Variants in GRM3 observed in about 807,000 individuals in gnomAD.
GRM3 encodes the protein metabotropic glutamate receptor 3.
In GRM3, 26 loss-of-function variants were observed where a neutral mutation model predicts 70.5. The ratio of observed to expected loss-of-function variants is 0.37; its 90% CI spans 0.27 to 0.51. GRM3 has a LOEUF of 0.51. Ranked by LOEUF, GRM3 falls within the 20% of genes least tolerant of loss-of-function variation. The pLI is 0.93. For missense variants in GRM3, 859 were observed against 1,123.8 expected (o/e 0.76, Z 3.37); for synonymous variants, 443 against 434.9 (o/e 1.02, Z -0.23).
At chr7:86,656,342 T>A (rs778577749) in intron 1 of GRM3, among the ~76,000 whole-genome samples, 13 of 144,340 alleles carry the variant, frequency 9.0e-5, no homozygotes, top group Admixed American at 5.3e-4. Context: ...CTCAGCTCAG[T>A]GCTGCAACCT....
At chr7:86,651,742 C>T (rs1422100165) in intron 1 of GRM3, among the ~76,000 whole-genome samples, 1 of 152,118 alleles carries the variant, frequency 6.6e-6, no homozygotes, top group African/African-American at 2.4e-5. Context: ...GTAGACAAGA[C>T]ATGAACTTAG....
intron 3 of GRM3, among the ~76,000 whole-genome samples, chr7:86,828,170 T>C (rs1798281329): frequency 7.7e-6 from 1 of 129,430 alleles, no homozygotes; most frequent in African/African-American, 2.8e-5. Flanking sequence ...AGGTACTTTA[T>C]AAAAGGGTAT....
At chr7:86,682,373 C>T (rs1794461253) in intron 1 of GRM3, among the ~76,000 whole-genome samples, 1 of 152,064 alleles carries the variant, frequency 6.6e-6, no homozygotes, top group African/African-American at 2.4e-5. Context: ...CACTGCAATA[C>T]TAAATAATCC....
chr7:86,854,484 T>C (rs922042440), intron 5 of GRM3, among the ~76,000 whole-genome samples: 1 of 152,134 alleles, frequency 6.6e-6, no homozygotes, highest in Admixed American at 6.5e-5. Flanking sequence ...TGCAAAAGAG[T>C]ACAATTAAAG....
intron 3 of GRM3, among the ~76,000 whole-genome samples, chr7:86,810,233 A>G (rs1797882504): frequency 6.6e-6 from 1 of 151,988 alleles, no homozygotes; most frequent in Non-Finnish European, 1.5e-5. Flanking sequence ...GGTCAAGAAA[A>G]TAGAAACTTT....
intron 3 of GRM3, among the ~76,000 whole-genome samples, chr7:86,795,882 A>C (rs191461711): frequency 6.6e-6 from 1 of 152,274 alleles, no homozygotes; most frequent in Admixed American, 6.5e-5. Flanking sequence ...AAGCATTCCT[A>C]TTTCTCCAAA....
intron 1 of GRM3, among the ~76,000 whole-genome samples, chr7:86,721,438 A>C (rs137890126): frequency 1.6e-4 from 24 of 152,252 alleles, no homozygotes; most frequent in African/African-American, 5.8e-4. Flanking sequence ...AATAATGCCT[A>C]AGTATTTCTA....
At chr7:86,830,778 T>C (rs1044262695) in intron 3 of GRM3, among the ~76,000 whole-genome samples, 33 of 152,188 alleles carry the variant, frequency 2.2e-4, no homozygotes, top group African/African-American at 7.0e-4. Flanking sequence ...AACCCTAGTA[T>C]CTCACAATAT....
chr7:86,760,676 C>T (rs1004253497), intron 1 of GRM3, among the ~76,000 whole-genome samples: 7 of 151,814 alleles, frequency 4.6e-5, no homozygotes, highest in Admixed American at 2.6e-4. Context: ...TTTCTTAGGG[C>T]TTCATTTTAA....
intron 1 of GRM3, among the ~76,000 whole-genome samples, chr7:86,707,551 G>T (rs929217384): frequency 3.9e-5 from 6 of 151,966 alleles, no homozygotes; most frequent in African/African-American, 1.4e-4. Flanking sequence ...GAGAACAATG[G>T]GGATGATGAT....
At chr7:86,661,174 C>T (rs1435396814) in intron 1 of GRM3, among the ~76,000 whole-genome samples, 1 of 151,928 alleles carries the variant, frequency 6.6e-6, no homozygotes. Context: ...CTAAGAATCA[C>T]CCCGAACAAA....
At chr7:86,661,246 T>C (rs367602861) in intron 1 of GRM3, among the ~76,000 whole-genome samples, 4 of 151,996 alleles carry the variant, frequency 2.6e-5, no homozygotes, top group South Asian at 2.1e-4. Context: ...AAAAATATGA[T>C]GCAATGTATG....
intron 3 of GRM3, among the ~76,000 whole-genome samples, chr7:86,837,485 T>TGGAA (rs1294064797): frequency 6.6e-6 from 1 of 152,158 alleles, no homozygotes; most frequent in African/African-American, 2.4e-5. Context: ...TTCCATAGTA[T>TGGAA]GGAAGTAGCT....
At chr7:86,787,607 G>A (rs1341652956) in intron 3 of GRM3, among the ~76,000 whole-genome samples, 1 of 152,000 alleles carries the variant, frequency 6.6e-6, no homozygotes, top group Non-Finnish European at 1.5e-5. Flanking sequence ...CATAATTAGG[G>A]GCAAAACAGA....
chr7:86,644,966 G>C, intron 1 of GRM3, 94 bp downstream of exon 1: 2 of 590,502 alleles, frequency 3.4e-6, no homozygotes, highest in East Asian at 6.7e-5. Context: ...AGCCGGGAAA[G>C]TTGAGGTAGA....
intron 2 of GRM3, chr7:86,785,962 G>A (rs1797227505): frequency 4.1e-6 from 1 of 243,642 alleles, no homozygotes; most frequent in East Asian, 9.2e-5. Flanking sequence ...CCATGGACAG[G>A]TTTTATCCTA....
chr7:86,861,876 C>G (rs953733625), intron 5 of GRM3, among the ~76,000 whole-genome samples: 1 of 152,034 alleles, frequency 6.6e-6, no homozygotes, highest in Non-Finnish European at 1.5e-5. Context: ...AACAAAAAAG[C>G]AAGAGTGGAA....
intron 3 of GRM3, among the ~76,000 whole-genome samples, chr7:86,826,598 A>T (rs1477665089): frequency 6.6e-6 from 1 of 152,214 alleles, no homozygotes; most frequent in Non-Finnish European, 1.5e-5. Context: ...AGAAAACAAG[A>T]CTAGGTAATA....
intron 1 of GRM3, among the ~76,000 whole-genome samples, chr7:86,675,931 T>C (rs2115932752): frequency 1.3e-5 from 2 of 152,180 alleles, no homozygotes; most frequent in Middle Eastern, 3.4e-3. Context: ...ATCTTTATTC[T>C]GTTAATTCTT....
Sources: gnomAD v4.1 joint callset for allele counts (sites outside exome capture counted in the v4.1 genomes callset) on GRCh38, gnomAD v4.1.1 for gene constraint, MANE v1.5 for transcripts, NCBI Gene and HGNC (gene_info 2026-07-23, HGNC 2026-07-21) for gene names.